ELMOD3: variants seen among roughly 807,000 people sequenced by gnomAD.
ELMOD3 encodes ELMO domain-containing protein 3.
A neutral mutation model predicts 47.4 loss-of-function variants in ELMOD3; 36 were observed. The observed-to-expected ratio is 0.76, with a 90% CI of 0.58 to 1.00. The LOEUF is 1.00. ELMOD3 is among the 50% of genes least tolerant of loss of function. The pLI is 0.00. For synonymous variants in ELMOD3, 149 were observed against 183.5 expected, an observed-to-expected ratio of 0.81 and a Z score of 1.52; for missense variants, 404 against 463.8, an observed-to-expected ratio of 0.87 and a Z score of 1.18.
chr2:85,362,085 C>T, intron 4 of ELMOD3, 101 bp from the exon 5 acceptor site: 3 of 762,786 alleles, frequency 3.9e-6, no homozygotes, highest in Non-Finnish European at 6.8e-6. Context: ...CACATGTACC[C>T]CTGAACTTAA....
chr2:85,390,137 G>C lies in ELMOD3; in HGVS notation c.816-1G>C, dbSNP rs1686226735. The C allele has an allele frequency of 2.5e-6, 4 of 1,613,636 alleles. No homozygotes were observed. The highest frequency in any genetic ancestry group is 3.4e-6 in the Non-Finnish European group (4 of 1,179,666). ...CAGGTCACCTTGCCTTTTTCCTGCA[G>C]AGAGTGTAATCGGCAGCAGAAGGTC... On this transcript the variant is annotated splice_acceptor_variant, in intron 12 of 13. Coordinates refer to ENST00000409013, the MANE Select transcript of ELMOD3 (RefSeq NM_001135022.2). LOFTEE classifies it high-confidence loss of function.
chr2:85,374,633 T>C (rs973576544), intron 10 of ELMOD3, among the ~76,000 whole-genome samples: 3 of 151,138 alleles, frequency 2.0e-5, no homozygotes, highest in South Asian at 4.2e-4. Flanking sequence ...TAAGCCACCA[T>C]GCCTGGCCAA....
intron 4 of ELMOD3, among the ~76,000 whole-genome samples, chr2:85,359,476 C>T (rs963106293): frequency 1.4e-5 from 2 of 144,800 alleles, no homozygotes; most frequent in African/African-American, 5.2e-5. Flanking sequence ...GACGCGATCT[C>T]GGCTCACTGC....
At chr2:85,382,009 C>T (rs930810088) in intron 11 of ELMOD3, among the ~76,000 whole-genome samples, 3 of 142,754 alleles carry the variant, frequency 2.1e-5, no homozygotes, top group African/African-American at 5.3e-5. Flanking sequence ...CCCAGCTACT[C>T]GGGAGGCTGA....
At chr2:85,370,977 G>A in intron 8 of ELMOD3, 109 bp from the exon 9 acceptor site, 1 of 1,323,070 alleles carries the variant, frequency 7.6e-7, no homozygotes. Flanking sequence ...CAGCCAGATA[G>A]CTGGGGGAGT....
intron 6 of ELMOD3, 64 bp from the exon 7 acceptor site, chr2:85,368,622 G>A: frequency 6.5e-7 from 1 of 1,549,528 alleles, no homozygotes; most frequent in Non-Finnish European, 8.9e-7. Context: ...CAAGGCTGGG[G>A]TCTGCAGTAG....
chr2:85,389,128 C>T (rs1209418031), intron 11 of ELMOD3, among the ~76,000 whole-genome samples: 2 of 152,258 alleles, frequency 1.3e-5, no homozygotes. Flanking sequence ...TGAGGCCCTT[C>T]CTGGTGAAGC....
intron 11 of ELMOD3, among the ~76,000 whole-genome samples, chr2:85,380,499 C>G (rs1553421194): frequency 6.6e-6 from 1 of 152,118 alleles, no homozygotes; most frequent in Non-Finnish European, 1.5e-5. Context: ...TCAAGAGCCC[C>G]TGTTAGAGTT....
chr2:85,367,396 G>A (rs923041363), intron 6 of ELMOD3, among the ~76,000 whole-genome samples: 3 of 152,142 alleles, frequency 2.0e-5, no homozygotes, highest in Non-Finnish European at 4.4e-5. Flanking sequence ...AGCAGAGGGA[G>A]AGCAGTCTGT....
At chr2:85,368,572 C>T (rs1293420735) in intron 6 of ELMOD3, 114 bp from the exon 7 acceptor site, 9 of 916,574 alleles carry the variant, frequency 9.8e-6, no homozygotes, top group African/African-American at 3.4e-5. Context: ...ACAGTGACAC[C>T]CCATCTCTTA....
intron 6 of ELMOD3, among the ~76,000 whole-genome samples, chr2:85,365,260 G>A (rs533150226): frequency 5.9e-4 from 90 of 151,622 alleles, no homozygotes; most frequent in African/African-American, 2.0e-3. Flanking sequence ...TTAGCCAGGA[G>A]AATCACTTGA....
intron 6 of ELMOD3, among the ~76,000 whole-genome samples, chr2:85,363,497 C>T (rs1370758213): frequency 6.6e-6 from 1 of 152,210 alleles, no homozygotes; most frequent in African/African-American, 2.4e-5. Flanking sequence ...ATCTGCTTTG[C>T]AAGGCGCTTC....
chr2:85,358,699 A>G (rs1321965820), intron 4 of ELMOD3, among the ~76,000 whole-genome samples: 1 of 152,048 alleles, frequency 6.6e-6, no homozygotes, highest in Admixed American at 6.5e-5. Flanking sequence ...AAAAAAAAAA[A>G]GCAGAAGGAT....
rs1307105919 is a variant in ELMOD3 at position 85,391,132 on chromosome 2, C to T, written c.*170C>T. On this transcript the variant is annotated 3_prime_UTR_variant, in exon 14 of 14. Coordinates refer to ENST00000409013, the MANE Select transcript of ELMOD3 (RefSeq NM_001135022.2). Reference sequence around the variant, plus strand: ...GCCAAGTACCCTCACCGGCATGGGACATGAGGGGCAGCTAGACTTCACCCC... The same window carrying T: ...GCCAAGTACCCTCACCGGCATGGGATATGAGGGGCAGCTAGACTTCACCCC... The T allele has an allele frequency of 7.8e-6, 5 of 641,808 alleles. No homozygotes were observed. Among genetic ancestry groups the T allele is most frequent in the Admixed American group, 3.0e-5 (1 of 33,502 alleles). 39.8% of individuals were successfully genotyped at this position (641,808 alleles called of 1,614,324 possible).
chr2:85,388,480 G>C (rs1219661606), intron 11 of ELMOD3, among the ~76,000 whole-genome samples: 1 of 152,148 alleles, frequency 6.6e-6, no homozygotes, highest in Non-Finnish European at 1.5e-5. Context: ...TTTTGATTTT[G>C]AGAGATGGGA....
At chr2:85,372,772 C>T (rs1684884140) in intron 10 of ELMOD3, 2 of 150,994 alleles carry the variant, frequency 1.3e-5, no homozygotes, top group South Asian at 2.1e-4. Context: ...TGCCTGTAGT[C>T]CCAGCTACTC....
At chr2:85,369,362 GGGTGTAA>G (rs1031012037) in intron 7 of ELMOD3, among the ~76,000 whole-genome samples, 20 of 152,186 alleles carry the variant, frequency 1.3e-4, no homozygotes, top group African/African-American at 4.6e-4. Context: ...TTCCTATACA[GGGTGTAA>G]GAAGGGAAAA....
intron 10 of ELMOD3, among the ~76,000 whole-genome samples, chr2:85,374,358 T>G (rs1685018909): frequency 6.6e-6 from 1 of 152,096 alleles, no homozygotes; most frequent in Non-Finnish European, 1.5e-5. Flanking sequence ...TTTTTTTTTC[T>G]TGAGATGGAG....
At chr2:85,363,688 A>G (rs1386432859) in intron 6 of ELMOD3, among the ~76,000 whole-genome samples, 1 of 152,258 alleles carries the variant, frequency 6.6e-6, no homozygotes, top group Non-Finnish European at 1.5e-5. Context: ...ATACCTGGGT[A>G]GGCCTCACAA....
Sources: gnomAD v4.1 joint callset for allele counts (sites outside exome capture counted in the v4.1 genomes callset) on GRCh38, gnomAD v4.1.1 for gene constraint, MANE v1.5 for transcripts, NCBI Gene and HGNC (gene_info 2026-07-23, HGNC 2026-07-21) for gene names.